The following VPS8 variants were observed in gnomAD, a reference collection of about 807,000 sequenced individuals.
VPS8 encodes vacuolar protein sorting-associated protein 8 homolog.
A neutral mutation model predicts 216.4 loss-of-function variants in VPS8; 129 were observed. That is an observed-to-expected ratio of 0.60 (90% CI 0.52 to 0.69). The LOEUF (loss-of-function observed/expected upper bound fraction) is 0.69, where lower values mean the gene tolerates loss of function less well. VPS8 is among the 30% of genes least tolerant of loss of function. The probability of loss-of-function intolerance (pLI) is 0.00; values close to 1 mark genes in which losing one functional copy is unlikely to be tolerated. For missense variants in VPS8, 1,531 were observed against 1,683.5 expected, an observed-to-expected ratio of 0.91 and a Z score of 1.59; for synonymous variants, 571 against 565.4, an observed-to-expected ratio of 1.01 and a Z score of -0.14.
chr3:184,856,956 C>G (rs1156560129), intron 14 of VPS8, among the ~76,000 whole-genome samples: 1 of 152,214 alleles, frequency 6.6e-6, no homozygotes, highest in Non-Finnish European at 1.5e-5. Flanking sequence ...CTCCTGGCCT[C>G]AAGCGTTCCT....
chr3:184,927,732 A>C (rs531332261), intron 31 of VPS8, among the ~76,000 whole-genome samples: 1 of 151,410 alleles, frequency 6.6e-6, no homozygotes, highest in South Asian at 2.1e-4. Context: ...CATAACTCCC[A>C]CTCCCTGTTT....
chr3:184,891,930 G>A (rs550772002), intron 22 of VPS8, among the ~76,000 whole-genome samples: 14 of 152,190 alleles, frequency 9.2e-5, no homozygotes, highest in African/African-American at 2.9e-4. Flanking sequence ...TTATGAAATC[G>A]ATAATGTACA....
At chr3:184,955,793 G>A (rs1745488647) in intron 36 of VPS8, among the ~76,000 whole-genome samples, 1 of 150,626 alleles carries the variant, frequency 6.6e-6, no homozygotes, top group Non-Finnish European at 1.5e-5. Flanking sequence ...TATTTATTAT[G>A]TCTTAATGAT....
At chr3:185,034,962 G>A (rs546584023) in intron 46 of VPS8, among the ~76,000 whole-genome samples, 1 of 152,142 alleles carries the variant, frequency 6.6e-6, no homozygotes, top group African/African-American at 2.4e-5. Context: ...CGAACATCAG[G>A]AACAACTCTA....
chr3:184,956,516 A>G (rs148690284), intron 36 of VPS8, among the ~76,000 whole-genome samples: 7 of 152,332 alleles, frequency 4.6e-5, no homozygotes, highest in African/African-American at 9.6e-5. Flanking sequence ...CCAGTTATTT[A>G]TATAATAATG....
rs114578062 is a variant in VPS8, at chr3:184,835,359, G to A, written c.447+617G>A. On this transcript the variant is annotated intron_variant, in intron 5 of 47. Coordinates refer to ENST00000625842, the MANE Select transcript of VPS8 (RefSeq NM_001009921.3). The stretch of plus-strand genomic sequence containing the variant: ...AAGTGTAGTGCCTCTATTGTGAAAT[G>A]GAGGTGGCATTGGTGAATGTGGTCA... 6.6e-3 allele frequency among the ~76,000 whole-genome samples: 1,009 copies of A among 152,294 alleles called. 9 individuals are homozygous for A. Among genetic ancestry groups the A allele is most frequent in the African/African-American group, 0.023 (948 of 41,538 alleles).
intron 15 of VPS8, among the ~76,000 whole-genome samples, chr3:184,862,229 T>G (rs528448700): frequency 6.6e-6 from 1 of 152,254 alleles, no homozygotes; most frequent in African/African-American, 2.4e-5. Context: ...GGGAAACGAT[T>G]GGGATTGCCA....
rs200084853 is a variant in VPS8 at position 184,957,510 on chromosome 3, G to C, written c.3172G>C (p.Glu1058Gln). ...AGTCCTTGAGTGCTACCGTCTGGAA[G>C]AAACTATTCAGGTGAGACGAACAAT... Reference protein sequence around the residue: ...LQVLECYRLEETIQITQKYQL... With the variant: ...LQVLECYRLEQTIQITQKYQL... Residue 1058 changes from glutamate (E) to glutamine (Q), a missense_variant, in exon 37 of 48, where the codon GAA becomes CAA. By Grantham distance (29) the Glu-to-Gln change is conservative. Coordinates refer to ENST00000625842, the MANE Select transcript of VPS8 (RefSeq NM_001009921.3). 17 of 1,610,064 alleles carry C rather than the reference G, an allele frequency of 1.1e-5. No individual in the cohort carries two copies. The highest frequency in any genetic ancestry group is 1.4e-5 in the Non-Finnish European group (17 of 1,178,224).
intron 1 of VPS8, among the ~76,000 whole-genome samples, chr3:184,822,086 C>T (rs573500257): frequency 6.6e-6 from 1 of 152,120 alleles, no homozygotes; most frequent in South Asian, 2.1e-4. Context: ...AAAAGGTAAA[C>T]AAATTAACCA....
intron 34 of VPS8, among the ~76,000 whole-genome samples, chr3:184,934,491 T>G (rs932893102): frequency 1.4e-4 from 21 of 152,338 alleles, no homozygotes; most frequent in African/African-American, 5.1e-4. Context: ...TTATACTTAC[T>G]GTCACAACTT....
intron 42 of VPS8, among the ~76,000 whole-genome samples, chr3:184,984,594 G>A (rs987693883): frequency 3.3e-5 from 5 of 152,020 alleles, no homozygotes; most frequent in African/African-American, 1.2e-4. Flanking sequence ...CGCCCGGCCA[G>A]AACACATTTT....
chr3:184,982,802 G>T (rs886785204), intron 41 of VPS8, among the ~76,000 whole-genome samples, 155 bp downstream of exon 41: 1 of 152,006 alleles, frequency 6.6e-6, no homozygotes, highest in African/African-American at 2.4e-5. Flanking sequence ...CATCTTTCAT[G>T]TTTCTTTCTG....
intron 45 of VPS8, among the ~76,000 whole-genome samples, chr3:185,005,462 G>A (rs1378876730): frequency 6.6e-6 from 1 of 152,042 alleles, no homozygotes; most frequent in East Asian, 1.9e-4. Flanking sequence ...ATTGCTTTTG[G>A]CAGTATGGTC....
chr3:184,981,585 C>T (rs1750222889), intron 40 of VPS8, among the ~76,000 whole-genome samples: 1 of 152,024 alleles, frequency 6.6e-6, no homozygotes, highest in Non-Finnish European at 1.5e-5. Context: ...AGGCACCTGC[C>T]ACCACGCCTG....
At chr3:184,825,014 T>C (rs1718438466) in intron 2 of VPS8, 2 of 472,190 alleles carry the variant, frequency 4.2e-6, no homozygotes, top group South Asian at 2.2e-5. Flanking sequence ...CAAGTGATCC[T>C]CCTACCTCAG....
intron 29 of VPS8, 106 bp from the exon 30 acceptor site, chr3:184,924,756 T>C (rs772170839): frequency 9.7e-5 from 134 of 1,380,298 alleles, no homozygotes; most frequent in Admixed American, 6.4e-4. Context: ...AAAGAATCTT[T>C]TTACGCGTCT....
chr3:184,869,062 T>C (rs1727876918), intron 19 of VPS8, 26 bp downstream of exon 19: 2 of 1,580,470 alleles, frequency 1.3e-6, no homozygotes, highest in Admixed American at 1.8e-5. Flanking sequence ...TCCAGTGTAG[T>C]AGACGTGGTT....
At chr3:184,926,434 T>C (rs1274044683) in intron 30 of VPS8, among the ~76,000 whole-genome samples, 160 bp from the exon 31 acceptor site, 2 of 151,878 alleles carry the variant, frequency 1.3e-5, no homozygotes, top group Non-Finnish European at 2.9e-5. Flanking sequence ...ATGTTACATG[T>C]ACTGGGTTAA....
At chr3:184,839,793 T>C in intron 7 of VPS8, 41 bp downstream of exon 7, 1 of 1,559,264 alleles carries the variant, frequency 6.4e-7, no homozygotes, top group Non-Finnish European at 8.7e-7. Context: ...ATATTAAGTG[T>C]CCTTTTGGGT....
Sources: allele counts gnomAD v4.1 joint callset (sites outside exome capture counted in the v4.1 genomes callset), GRCh38; gene constraint gnomAD v4.1.1; transcripts MANE v1.5; gene names NCBI Gene and HGNC (gene_info 2026-07-23, HGNC 2026-07-21).